Variants in DPYSL3 observed in about 807,000 individuals in gnomAD.
The protein encoded by DPYSL3 is dihydropyrimidinase-related protein 3.
Under a neutral mutation model 66.1 loss-of-function variants are expected in DPYSL3, and 16 were observed. The observed-to-expected ratio is 0.24, with a 90% CI of 0.16 to 0.37. DPYSL3 has a LOEUF of 0.37. Ranked by LOEUF, DPYSL3 falls within the 10% of genes least tolerant of loss-of-function variation. The pLI is 1.00. For missense variants in DPYSL3, 738 were observed against 916.2 expected, an observed-to-expected ratio of 0.81 and a Z score of 2.51; for synonymous variants, 338 against 345.1, an observed-to-expected ratio of 0.98 and a Z score of 0.23.
chr5:147,443,462 A>C (rs1047872701), intron 1 of DPYSL3, among the ~76,000 whole-genome samples: 1 of 151,930 alleles, frequency 6.6e-6, no homozygotes, highest in African/African-American at 2.4e-5. Context: ...GGAGAACAAC[A>C]CACACCAGGG....
chr5:147,443,343 A>C (rs1752569852), intron 1 of DPYSL3, among the ~76,000 whole-genome samples: 1 of 152,198 alleles, frequency 6.6e-6, no homozygotes, highest in African/African-American at 2.4e-5. Flanking sequence ...ACATGGATGA[A>C]GCTAGAAGCC....
intron 1 of DPYSL3, among the ~76,000 whole-genome samples, chr5:147,481,242 T>C (rs1342064041): frequency 6.6e-6 from 1 of 152,180 alleles, no homozygotes; most frequent in Non-Finnish European, 1.5e-5. Flanking sequence ...TTGTTATCTA[T>C]GAAATACTGT....
chr5:147,399,417 T>C (rs1758103988), intron 10 of DPYSL3, among the ~76,000 whole-genome samples, 165 bp from the exon 11 acceptor site: 1 of 152,218 alleles, frequency 6.6e-6, no homozygotes, highest in African/African-American at 2.4e-5. Context: ...TCGAATTAGC[T>C]GGGCTGTCGT....
intron 1 of DPYSL3, among the ~76,000 whole-genome samples, chr5:147,495,834 T>G (rs548251828): frequency 1.3e-5 from 2 of 152,204 alleles, no homozygotes; most frequent in African/African-American, 4.8e-5. Context: ...CAAGGTAATT[T>G]ATAGATTCAA....
intron 1 of DPYSL3, among the ~76,000 whole-genome samples, chr5:147,507,749 A>T (rs1753702527): frequency 6.6e-6 from 1 of 152,202 alleles, no homozygotes; most frequent in Non-Finnish European, 1.5e-5. Flanking sequence ...ATTATTTCTC[A>T]ATTAGTAGCC....
intron 1 of DPYSL3, among the ~76,000 whole-genome samples, chr5:147,488,944 G>T (rs1237373523): frequency 2.6e-5 from 4 of 151,754 alleles, no homozygotes; most frequent in African/African-American, 9.7e-5. Context: ...GAACCCAGGA[G>T]GGGGACGTTG....
intron 1 of DPYSL3, among the ~76,000 whole-genome samples, chr5:147,497,526 T>C (rs1395833158): frequency 1.3e-5 from 2 of 152,142 alleles, no homozygotes; most frequent in East Asian, 3.9e-4. Flanking sequence ...TTACACACCA[T>C]AGCCATGAAG....
chr5:147,428,276 T>C (rs571691359), intron 1 of DPYSL3, among the ~76,000 whole-genome samples: 2 of 152,272 alleles, frequency 1.3e-5, no homozygotes, highest in East Asian at 3.9e-4. Context: ...TATTAATTTG[T>C]TTTCACCATG....
At chr5:147,446,430 T>C (rs1215047738) in intron 1 of DPYSL3, among the ~76,000 whole-genome samples, 2 of 152,210 alleles carry the variant, frequency 1.3e-5, no homozygotes, top group Non-Finnish European at 2.9e-5. Context: ...TAAAATCTCA[T>C]TGTCCAGCAC....
intron 2 of DPYSL3, among the ~76,000 whole-genome samples, chr5:147,421,545 T>C (rs1230634003): frequency 1.3e-5 from 2 of 152,242 alleles, no homozygotes; most frequent in African/African-American, 2.4e-5. Flanking sequence ...ACAGCTTGTA[T>C]ATCCAAGACA....
At chr5:147,461,148 T>C (rs1752925022) in intron 1 of DPYSL3, among the ~76,000 whole-genome samples, 1 of 152,172 alleles carries the variant, frequency 6.6e-6, no homozygotes, top group African/African-American at 2.4e-5. Context: ...GAGCCAGGCA[T>C]GGTCAACATG....
chr5:147,425,564 C>A (rs945425612), intron 1 of DPYSL3, among the ~76,000 whole-genome samples: 6 of 152,184 alleles, frequency 3.9e-5, no homozygotes, highest in Non-Finnish European at 7.3e-5. Flanking sequence ...ATTTAACTTA[C>A]AGTGGAGAAA....
At position 147,393,950 on chromosome 5, in the gene DPYSL3, G is replaced by C. The variant is rs985034235; in HGVS notation, c.*85C>G. On this transcript the variant is annotated 3_prime_UTR_variant, in exon 14 of 14. Coordinates refer to ENST00000343218, the MANE Select transcript of DPYSL3 (RefSeq NM_001197294.2). ...CTTTAGATCACAACCGTTTGGATTC[G>C]CTTTCCTTCTTAAATATCGGTGTAC... The C allele has an allele frequency of 8.7e-6, 12 of 1,375,348 alleles. No individual in the cohort carries two copies. The South Asian group carries it at 1.2e-4, about 14-fold the overall frequency. 85.2% of individuals were successfully genotyped at this position (1,375,348 alleles called of 1,614,324 possible). A position where few individuals can be genotyped will look rare whatever the true frequency, so the allele number is the denominator to read the frequency against.
chr5:147,508,658 A>T (rs1480202098), intron 1 of DPYSL3, among the ~76,000 whole-genome samples: 1 of 152,236 alleles, frequency 6.6e-6, no homozygotes. Flanking sequence ...TCAGTGTGAC[A>T]TAAGTTTCTC....
At chr5:147,466,436 C>G (rs528022262) in intron 1 of DPYSL3, among the ~76,000 whole-genome samples, 44 of 152,316 alleles carry the variant, frequency 2.9e-4, no homozygotes, top group African/African-American at 9.6e-4. Context: ...TTCCAGCCCA[C>G]CCTCACTCCA....
chr5:147,509,645 C>T lies in DPYSL3; in HGVS notation c.214G>A (p.Asp72Asn), dbSNP rs1168666944. 3 of 1,535,700 alleles carry T rather than the reference C, an allele frequency of 2.0e-6. No individual in the cohort carries two copies. The highest frequency in any genetic ancestry group is 2.6e-6 in the Non-Finnish European group (3 of 1,146,662). The change falls in exon 1 of 14, where the codon GAC becomes AAC. Residue 72 changes from aspartate (D) to asparagine (N), a missense_variant. By Grantham distance (23) the Asp-to-Asn change is conservative. Transcript: ENST00000343218. The surrounding 1 kb of genome is among the most constrained non-coding windows in gnomAD (Gnocchi z 5.3). ...CCGGGCCGACTCCCCGATCCTCGGT[C>T]GCTGCCCTGGCCGCTCCGAGGAGTC... ...AKTPRSGQGS[D>N]RGSGSRPGIE...
intron 1 of DPYSL3, among the ~76,000 whole-genome samples, chr5:147,501,572 C>T (rs1379495545): frequency 6.7e-6 from 1 of 148,370 alleles, no homozygotes; most frequent in East Asian, 2.0e-4. Flanking sequence ...GCAACCTCTG[C>T]CTCCCAGGTT....
Position 147,457,739 on chromosome 5 carries a change from G to A in DPYSL3, c.382-32776C>T, listed in dbSNP as rs1581205096. 3.3e-5 allele frequency among the ~76,000 whole-genome samples: 5 copies of A among 152,214 alleles called. No individual in the cohort carries two copies. The South Asian group carries it at 1.0e-3, about 32-fold the overall frequency. ...CAGGAGAGGAAACTTTATGAGGCAG[G>A]AGAGAAGTAGGTCAATGGCTCTATG... is the stretch of plus-strand genomic sequence containing the variant. On this transcript the variant is annotated intron_variant, in intron 1 of 13. Coordinates refer to ENST00000343218, the MANE Select transcript of DPYSL3 (RefSeq NM_001197294.2).
At chr5:147,451,227 C>T (rs1275421124) in intron 1 of DPYSL3, among the ~76,000 whole-genome samples, 1 of 152,202 alleles carries the variant, frequency 6.6e-6, no homozygotes, top group Non-Finnish European at 1.5e-5. Context: ...TTTTCATCCC[C>T]TTGGTTGTTA....
Sources: gnomAD v4.1 joint callset for allele counts (sites outside exome capture counted in the v4.1 genomes callset) on GRCh38, gnomAD v4.1.1 for gene constraint, Gnocchi (gnomAD v3.1) non-coding constraint, MANE v1.5 for transcripts, NCBI Gene and HGNC (gene_info 2026-07-23, HGNC 2026-07-21) for gene names.